Variants in PICALM observed in about 807,000 individuals in gnomAD.
PICALM encodes the protein phosphatidylinositol-binding clathrin assembly protein.
A neutral mutation model predicts 80.5 loss-of-function variants in PICALM; 40 were observed. The observed-to-expected ratio is 0.50, with a 90% confidence interval of 0.39 to 0.65. PICALM has a LOEUF of 0.65. PICALM is among the 30% of genes least tolerant of loss of function. The pLI, the probability that PICALM is intolerant of heterozygous loss-of-function variation, is 0.00. For synonymous variants in PICALM, 288 were observed against 260.3 expected (o/e 1.11, Z -1.02); for missense variants, 676 against 778.9 (o/e 0.87, Z 1.57).
At chr11:86,066,675 G>T (rs960562236) in intron 1 of PICALM, among the ~76,000 whole-genome samples, 1 of 150,282 alleles carries the variant, frequency 6.7e-6, no homozygotes, top group African/African-American at 2.5e-5. Flanking sequence ...AAGCCTTATC[G>T]ATTCTTATTT....
At chr11:85,984,048 ATAG>A (rs2094514611) in intron 13 of PICALM, 75 bp from the exon 14 acceptor site, 14 of 679,300 alleles carry the variant, frequency 2.1e-5, no homozygotes, top group Non-Finnish European at 3.6e-5. Flanking sequence ...AATGATGACA[ATAG>A]AATGGAAAAT....
At chr11:86,069,121 C>CCGGGTCACGTGA (rs932297786), upstream of PICALM, 21 of 266,528 alleles carry the variant, frequency 7.9e-5, no homozygotes, top group South Asian at 2.5e-4. Context: ...CCGGGCTGCC[C>CCGGGTCACGTGA]CGGGTCACGT....
At chr11:85,959,160 T>C in intron 19 of PICALM, 100 bp from the exon 20 acceptor site, 1 of 693,504 alleles carries the variant, frequency 1.4e-6, no homozygotes. Context: ...GGCCCAGAAG[T>C]GTTCACAACA....
chr11:85,962,120 G>A (rs1012974133), intron 19 of PICALM, among the ~76,000 whole-genome samples: 3 of 152,168 alleles, frequency 2.0e-5, no homozygotes, highest in Admixed American at 1.3e-4. Context: ...TGGGAGGACA[G>A]AGCAGCATGC....
rs115392017 is a variant in PICALM at position 86,056,806 on chromosome 11, T to C, written c.130+11845A>G. On this transcript the variant is annotated intron_variant, in intron 1 of 19. Coordinates refer to ENST00000393346, the MANE Select transcript of PICALM (RefSeq NM_007166.4). ...AACTAATGAAGGTATAAATGAAATG[T>C]GGGTAACTATACAAGGGAGTATTAC... Among the ~76,000 whole-genome samples the C allele has an allele frequency of 6.5e-3, 991 of 152,310 alleles. 11 individuals carry two copies. Among genetic ancestry groups the C allele is most frequent in the African/African-American group, 0.023 (957 of 41,566 alleles).
At position 85,987,420 on chromosome 11, in the gene PICALM, GCTATAA is replaced by G. The variant is rs199635640; in HGVS notation, c.1408+2824_1408+2829del. On this transcript the variant is annotated intron_variant, in intron 13 of 19. Coordinates refer to ENST00000393346, the MANE Select transcript of PICALM (RefSeq NM_007166.4). ...GTAGAAAAAGAAATTTTTTACTATTGCTATAACTATTATTAAAAACAACCCAAATTT... is the reference window on the plus strand; with the variant it reads ...GTAGAAAAAGAAATTTTTTACTATTGCTATTATTAAAAACAACCCAAATTT... Among the ~76,000 whole-genome samples the G allele has an allele frequency of 3.6e-3, 555 of 152,194 alleles. 4 individuals carry two copies. The highest frequency in any genetic ancestry group is 0.028 in the South Asian group (134 of 4,816).
intron 1 of PICALM, among the ~76,000 whole-genome samples, chr11:86,066,204 A>G (rs1464947336): frequency 2.0e-5 from 3 of 152,208 alleles, no homozygotes; most frequent in Non-Finnish European, 4.4e-5. Flanking sequence ...CAAGGAAGGT[A>G]TTTGTTTAGT....
At position 86,003,527 on chromosome 11, in the gene PICALM, G is replaced by A. The variant is rs553813829; in HGVS notation, c.808-76C>T. The stretch of plus-strand genomic sequence containing the variant: ...AATTAAATCAAGTATCATCTAATTA[G>A]AGAGCAACAAAAATAAACAGGTATG... On this transcript the variant is annotated intron_variant, in intron 8 of 19. Coordinates refer to ENST00000393346, the MANE Select transcript of PICALM (RefSeq NM_007166.4). 933 of 849,542 alleles carry A rather than the reference G, an allele frequency of 1.1e-3. 1 individual carries two copies. Among genetic ancestry groups the A allele is most frequent in the Non-Finnish European group, 1.3e-3 (714 of 552,290 alleles). 52.6% of individuals were successfully genotyped at this position (849,542 alleles called of 1,614,324 possible).
chr11:86,018,530 G>A (rs2095515305), intron 4 of PICALM, among the ~76,000 whole-genome samples: 1 of 151,970 alleles, frequency 6.6e-6, no homozygotes, highest in Non-Finnish European at 1.5e-5. Context: ...GCTTTTATAA[G>A]ATTAAAAAAA....
intron 12 of PICALM, among the ~76,000 whole-genome samples, chr11:85,992,315 C>T (rs1345656616): frequency 6.7e-6 from 1 of 149,406 alleles, no homozygotes; most frequent in African/African-American, 2.5e-5. Context: ...GAGTCGAACT[C>T]GCTGTGTTGT....
intron 3 of PICALM, among the ~76,000 whole-genome samples, chr11:86,024,555 C>G (rs1190446265): frequency 6.6e-6 from 1 of 151,314 alleles, no homozygotes; most frequent in Non-Finnish European, 1.5e-5. Flanking sequence ...TTGGTTTACT[C>G]TGATCTAACT....
At chr11:85,969,705 C>T (rs766408764) in intron 19 of PICALM, 5 of 402,950 alleles carry the variant, frequency 1.2e-5, no homozygotes, top group Non-Finnish European at 2.0e-5. Flanking sequence ...TTTTAAAAAA[C>T]AGACAGTCTC....
chr11:86,066,307 T>G (rs182002931), intron 1 of PICALM, among the ~76,000 whole-genome samples: 102 of 152,266 alleles, frequency 6.7e-4, no homozygotes, highest in African/African-American at 2.3e-3. Flanking sequence ...GTAGGGAAAA[T>G]AGTATCCCTG....
intron 11 of PICALM, among the ~76,000 whole-genome samples, chr11:85,997,653 T>C (rs1437336958): frequency 6.6e-6 from 1 of 152,168 alleles, no homozygotes; most frequent in African/African-American, 2.4e-5. Context: ...GTATTTTTAA[T>C]AGAGACAGGG....
chr11:85,976,557 G>A (rs150385671), intron 18 of PICALM, 66 bp downstream of exon 18: 7 of 974,988 alleles, frequency 7.2e-6, no homozygotes, highest in South Asian at 2.6e-5. Context: ...AGGTTAAATT[G>A]TAATAAAAAC....
chr11:86,034,680 A>G (rs1290289739), intron 1 of PICALM, among the ~76,000 whole-genome samples: 2 of 152,190 alleles, frequency 1.3e-5, no homozygotes, highest in Non-Finnish European at 1.5e-5. Context: ...CAAGTACCAC[A>G]TGGCACGTAG....
intron 19 of PICALM, among the ~76,000 whole-genome samples, chr11:85,968,316 A>G (rs2093978327): frequency 6.6e-6 from 1 of 152,132 alleles, no homozygotes; most frequent in Non-Finnish European, 1.5e-5. Flanking sequence ...ACAAACAAAA[A>G]CAACAAAAAA....
intron 4 of PICALM, among the ~76,000 whole-genome samples, chr11:86,019,251 T>A (rs2095529009): frequency 7.5e-6 from 1 of 132,720 alleles, no homozygotes; most frequent in African/African-American, 2.9e-5. Context: ...ATGTCCTCAA[T>A]TTATACCTGA....
At chr11:86,031,410 AAGCT>A in intron 2 of PICALM, 55 bp downstream of exon 2, 1 of 1,370,734 alleles carries the variant, frequency 7.3e-7, no homozygotes, top group South Asian at 1.4e-5. Flanking sequence ...TCAGTGAGAG[AAGCT>A]AGCTAACAAT....
Sources: gnomAD v4.1 joint callset for allele counts (sites outside exome capture counted in the v4.1 genomes callset) on GRCh38, gnomAD v4.1.1 for gene constraint, MANE v1.5 for transcripts, NCBI Gene and HGNC (gene_info 2026-07-23, HGNC 2026-07-21) for gene names.